Variants in STAG1 observed in about 807,000 individuals in gnomAD.
STAG1 encodes cohesin subunit SA-1.
In STAG1, 26 loss-of-function variants were observed where a neutral mutation model predicts 170.9. The ratio of observed to expected loss-of-function variants is 0.15; its 90% CI spans 0.11 to 0.21. The LOEUF (loss-of-function observed/expected upper bound fraction) is 0.21. Ranked by LOEUF, STAG1 falls within the 10% of genes least tolerant of loss-of-function variation. The probability of loss-of-function intolerance (pLI) is 1.00; values close to 1 mark genes in which losing one functional copy is unlikely to be tolerated. For missense variants in STAG1, 964 were observed against 1,509.5 expected, an observed-to-expected ratio of 0.64 and a Z score of 5.99; for synonymous variants, 514 against 497.7, an observed-to-expected ratio of 1.03 and a Z score of -0.44.
chr3:136,428,992 T>A (rs1329731068), intron 16 of STAG1, among the ~76,000 whole-genome samples: 1 of 151,628 alleles, frequency 6.6e-6, no homozygotes, highest in African/African-American at 2.4e-5. Flanking sequence ...GAAAACTAGC[T>A]AGGCGTGGTG....
chr3:136,447,321 T>C (rs1432687788), intron 14 of STAG1, among the ~76,000 whole-genome samples: 1 of 151,412 alleles, frequency 6.6e-6, no homozygotes, highest in African/African-American at 2.4e-5. Context: ...AATACAAAAA[T>C]TGCTGGGTGT....
chr3:136,501,320 T>C (rs1933457069), intron 8 of STAG1, among the ~76,000 whole-genome samples: 1 of 152,218 alleles, frequency 6.6e-6, no homozygotes, highest in South Asian at 2.1e-4. Context: ...TAAAAATTTG[T>C]ACATTGAAGT....
chr3:136,748,440 A>G (rs943499238), intron 1 of STAG1, among the ~76,000 whole-genome samples: 1 of 151,780 alleles, frequency 6.6e-6, no homozygotes, highest in Non-Finnish European at 1.5e-5. Flanking sequence ...TCTGTCACCC[A>G]GGCTGGAGTG....
rs1336748101 is a variant in STAG1 at position 136,479,630 on chromosome 3, C to A, written c.903-2218G>T. On this transcript the variant is annotated intron_variant, in intron 9 of 33. Transcript: ENST00000383202. ...GCTGGGTCAAATGGTATTTCTAGTT[C>A]TAGATCCCTGAGGAATCGCCACACT... Among the ~76,000 whole-genome samples, 94 of 56,004 alleles carry A rather than the reference C, an allele frequency of 1.7e-3. 33 individuals carry two copies. The highest frequency in any genetic ancestry group is 3.0e-3 in the Non-Finnish European group (77 of 25,948). The allele number at this position is 56,004 out of a possible 152,430, so 36.7% of individuals were successfully genotyped here.
intron 15 of STAG1, among the ~76,000 whole-genome samples, chr3:136,442,389 C>T (rs966156018): frequency 5.3e-5 from 8 of 152,100 alleles, no homozygotes; most frequent in Non-Finnish European, 7.4e-5. Context: ...CTAGTTCTAA[C>T]GAACGAATAT....
intron 3 of STAG1, among the ~76,000 whole-genome samples, chr3:136,619,916 A>G (rs1056687502): frequency 5.3e-5 from 8 of 151,608 alleles, no homozygotes; most frequent in African/African-American, 1.9e-4. Flanking sequence ...AAAATAAATC[A>G]GCCATGCGTG....
rs554629186 is a variant in STAG1, at chr3:136,453,754, TAAAA to T, written c.1314-1611_1314-1608del. 2.3e-5 allele frequency among the ~76,000 whole-genome samples: 3 copies of T among 131,016 alleles called. No homozygotes were observed. In the South Asian group the frequency reaches 7.3e-4, roughly 32 times the overall value. The allele number at this position is 131,016 out of a possible 152,430, so 86.0% of individuals were successfully genotyped here. On this transcript the variant is annotated intron_variant, in intron 13 of 33. Coordinates refer to ENST00000383202, the MANE Select transcript of STAG1 (RefSeq NM_005862.3). ...TACTGTTGCTGGTTATAAAGAAAAG[TAAAA>T]AAAAAAAACGGTATATGTATATAGC...
chr3:136,379,947 TCATA>T (rs1937857113), intron 22 of STAG1, among the ~76,000 whole-genome samples: 1 of 152,202 alleles, frequency 6.6e-6, no homozygotes, highest in Non-Finnish European at 1.5e-5. Context: ...TGTAAATGAA[TCATA>T]TTCTAAACAC....
chr3:136,740,631 T>G (rs1934616427), intron 1 of STAG1, among the ~76,000 whole-genome samples: 1 of 152,020 alleles, frequency 6.6e-6, no homozygotes, highest in Non-Finnish European at 1.5e-5. Flanking sequence ...AGGTGCGCAC[T>G]ACCACACCTA....
chr3:136,589,420 G>A (rs988341644), intron 4 of STAG1, among the ~76,000 whole-genome samples: 18 of 152,064 alleles, frequency 1.2e-4, no homozygotes, highest in African/African-American at 3.6e-4. Context: ...CAGGAGAATC[G>A]ATTGAACTCG....
At chr3:136,546,080 C>T (rs1936141599) in intron 5 of STAG1, among the ~76,000 whole-genome samples, 1 of 152,100 alleles carries the variant, frequency 6.6e-6, no homozygotes, top group Non-Finnish European at 1.5e-5. Flanking sequence ...TTGTTTGAGC[C>T]ATGCTAGTAT....
At chr3:136,517,928 G>C (rs1934464820) in intron 7 of STAG1, 1 of 152,414 alleles carries the variant, frequency 6.6e-6, no homozygotes, top group Non-Finnish European at 1.5e-5. Flanking sequence ...AAATTTAATT[G>C]TTAACAGTCT....
chr3:136,437,810 C>T (rs1358013622), intron 15 of STAG1, among the ~76,000 whole-genome samples: 1 of 151,992 alleles, frequency 6.6e-6, no homozygotes, highest in African/African-American at 2.4e-5. Context: ...TGCTTTCATC[C>T]CCTATCCACA....
At chr3:136,598,455 C>G (rs1203180318) in intron 4 of STAG1, among the ~76,000 whole-genome samples, 1 of 149,322 alleles carries the variant, frequency 6.7e-6, no homozygotes, top group East Asian at 2.0e-4. Context: ...GAGACGGAGT[C>G]TCGCTCTGTT....
chr3:136,662,120 A>C (rs1487454770), intron 1 of STAG1, among the ~76,000 whole-genome samples: 2 of 151,204 alleles, frequency 1.3e-5, no homozygotes, highest in African/African-American at 4.9e-5. Flanking sequence ...TTTCCAGTTT[A>C]CTAATTCCAG....
At chr3:136,427,053 C>G (rs936447052) in intron 16 of STAG1, among the ~76,000 whole-genome samples, 1 of 146,390 alleles carries the variant, frequency 6.8e-6, no homozygotes, top group Admixed American at 6.9e-5. Context: ...GAGCGAGACT[C>G]GTCTCTTAAA....
intron 3 of STAG1, among the ~76,000 whole-genome samples, chr3:136,620,587 G>A (rs962027841): frequency 1.3e-5 from 2 of 152,130 alleles, no homozygotes; most frequent in Admixed American, 1.3e-4. Context: ...CTAGTGTGAG[G>A]ATTAAATAAC....
At chr3:136,705,448 GT>G (rs1943203807) in intron 1 of STAG1, among the ~76,000 whole-genome samples, 1 of 150,642 alleles carries the variant, frequency 6.6e-6, no homozygotes, top group African/African-American at 2.4e-5. Flanking sequence ...GTATGATATT[GT>G]TTTGCTGTGT....
chr3:136,586,943 C>T, intron 4 of STAG1: 1 of 453,138 alleles, frequency 2.2e-6, no homozygotes, highest in Non-Finnish European at 4.4e-6. Context: ...GTAAGAAGAG[C>T]CAGAAAATGG....
Sources: allele counts gnomAD v4.1 joint callset (sites outside exome capture counted in the v4.1 genomes callset), GRCh38; gene constraint gnomAD v4.1.1; transcripts MANE v1.5; gene names NCBI Gene and HGNC (gene_info 2026-07-23, HGNC 2026-07-21).